The following LIPI variants were observed in gnomAD, a reference collection of about 807,000 sequenced individuals.
LIPI encodes the protein lipase I.
A neutral mutation model predicts 50.6 loss-of-function variants in LIPI; 59 were observed. That is an observed-to-expected ratio of 1.16 (90% CI 0.94 to 1.45). The LOEUF is 1.45. Among genes scored for constraint, LIPI ranks in the 40% most tolerant of loss-of-function variants. The pLI is 0.00. For synonymous variants in LIPI, 203 were observed against 178.2 expected (o/e 1.14, Z -1.11); for missense variants, 586 against 536.3 (o/e 1.09, Z -0.92).
At chr21:14,208,096 A>G (rs192258605) in intron 1 of LIPI, among the ~76,000 whole-genome samples, 82 of 152,320 alleles carry the variant, frequency 5.4e-4, no homozygotes, top group South Asian at 2.7e-3. Flanking sequence ...TTAATCGTGG[A>G]TCATATCAGA....
At chr21:14,180,402 T>C (rs772642744) in intron 4 of LIPI, among the ~76,000 whole-genome samples, 38 of 152,202 alleles carry the variant, frequency 2.5e-4, no homozygotes, top group Non-Finnish European at 4.3e-4. Flanking sequence ...GCGGGCATTG[T>C]GGTCCTACTG....
chr21:14,192,572 A>C (rs2019713478), intron 1 of LIPI, among the ~76,000 whole-genome samples: 1 of 152,238 alleles, frequency 6.6e-6, no homozygotes, highest in Non-Finnish European at 1.5e-5. Context: ...AATTGATTCA[A>C]TTCTACTAGA....
chr21:14,142,749 G>A (rs1363456096), intron 9 of LIPI, among the ~76,000 whole-genome samples: 3 of 151,736 alleles, frequency 2.0e-5, no homozygotes, highest in Non-Finnish European at 4.4e-5. Context: ...CTCTGAAAAT[G>A]CTGGGATTAC....
chr21:14,111,017 T>G (rs904035935), intron 9 of LIPI, among the ~76,000 whole-genome samples: 13 of 151,172 alleles, frequency 8.6e-5, no homozygotes, highest in Admixed American at 2.0e-4. Context: ...ATTTTTTATC[T>G]TGGTTATAGT....
intron 9 of LIPI, 53 bp downstream of exon 9, chr21:14,144,570 A>G: frequency 3.0e-6 from 3 of 994,344 alleles, no homozygotes; most frequent in Non-Finnish European, 4.7e-6. Context: ...TAAGAAACCA[A>G]TATTTTCAAG....
chr21:14,128,663 C>G (rs932971978), intron 9 of LIPI, among the ~76,000 whole-genome samples: 1 of 147,520 alleles, frequency 6.8e-6, no homozygotes, highest in Non-Finnish European at 1.5e-5. Context: ...ATCTTAGGTA[C>G]ACGATATATC....
intron 8 of LIPI, among the ~76,000 whole-genome samples, chr21:14,145,565 G>A (rs2017872257): frequency 6.6e-6 from 1 of 151,898 alleles, no homozygotes; most frequent in African/African-American, 2.4e-5. Flanking sequence ...AAAACTGATG[G>A]CAAAGAGGAG....
In LIPI at chr21:14,202,379, A is replaced by G. The variant is rs148842299; in HGVS notation, c.46+8421T>C. Among the ~76,000 whole-genome samples the G allele has an allele frequency of 9.3e-3, 1,423 of 152,324 alleles. 17 individuals are homozygous for G. Among genetic ancestry groups the G allele is most frequent in the African/African-American group, 0.032 (1,319 of 41,558 alleles). ...ATAAAGAGCCCACATTGCCAAGTCAATCCTAAGCCAAAAGAACAAAGCTGG... is the reference window on the plus strand; with the variant it reads ...ATAAAGAGCCCACATTGCCAAGTCAGTCCTAAGCCAAAAGAACAAAGCTGG... On this transcript the variant is annotated intron_variant, in intron 1 of 9. Transcript: ENST00000681601.
rs2016995289 is a variant in LIPI, at chr21:14,124,837, A to G, written c.1296-15757T>C. 2.0e-5 allele frequency among the ~76,000 whole-genome samples: 3 copies of G among 152,164 alleles called. No individual in the cohort carries two copies. In the South Asian group the frequency reaches 6.2e-4, roughly 31 times the overall value. ...GAAACCCCATCTCTGCTAAAAATAC[A>G]AAAATTAGCCAGGCGTGGTGGCACG... On this transcript the variant is annotated intron_variant, in intron 9 of 9. Coordinates refer to ENST00000681601, the MANE Select transcript of LIPI (RefSeq NM_001302998.2).
At chr21:14,143,242 T>A (rs748596087) in intron 9 of LIPI, among the ~76,000 whole-genome samples, 1 of 152,110 alleles carries the variant, frequency 6.6e-6, no homozygotes. Flanking sequence ...GCATGATCCC[T>A]CCCCACTATA....
intron 9 of LIPI, among the ~76,000 whole-genome samples, chr21:14,121,980 G>C (rs550328350): frequency 1.3e-5 from 2 of 152,334 alleles, no homozygotes; most frequent in East Asian, 3.9e-4. Flanking sequence ...GAGGAAGTTG[G>C]TGCTAGATAA....
intron 1 of LIPI, among the ~76,000 whole-genome samples, chr21:14,202,369 T>C (rs1429857710): frequency 2.6e-5 from 4 of 152,052 alleles, no homozygotes; most frequent in African/African-American, 7.2e-5. Flanking sequence ...GAGCCCACAT[T>C]GCCAAGTCAA....
chr21:14,171,448 C>T (rs1427583007), intron 4 of LIPI, among the ~76,000 whole-genome samples: 1 of 151,020 alleles, frequency 6.6e-6, no homozygotes, highest in Non-Finnish European at 1.5e-5. Flanking sequence ...AGGCATCACG[C>T]TACCTGACTT....
In LIPI at chr21:14,158,313, A is replaced by G. The variant is rs543212502; in HGVS notation, c.1006+5106T>C. ...TAACAGACAACAGGAAAATTTCTAA[A>G]CTGTGGAAATTCAACAGCGTGCTTA... On this transcript the variant is annotated intron_variant, in intron 7 of 9. Coordinates refer to ENST00000681601, the MANE Select transcript of LIPI (RefSeq NM_001302998.2). Among the ~76,000 whole-genome samples the G allele has an allele frequency of 3.4e-3, 509 of 151,724 alleles. 3 individuals carry two copies. The highest frequency in any genetic ancestry group is 6.1e-3 in the Non-Finnish European group (414 of 67,742).
chr21:14,166,129 T>C (rs73346040), intron 5 of LIPI, among the ~76,000 whole-genome samples: 9,624 of 152,190 alleles, frequency 0.063, 559 homozygotes, highest in East Asian at 0.22. Flanking sequence ...TGGAATAAAA[T>C]TATTAAAAAT....
At chr21:14,179,188 G>C (rs374022373) in intron 4 of LIPI, among the ~76,000 whole-genome samples, 3 of 151,872 alleles carry the variant, frequency 2.0e-5, no homozygotes, top group East Asian at 3.9e-4. Context: ...AAATTTGAAA[G>C]GCCACATGGC....
At chr21:14,155,337 C>A (rs1355792744) in intron 7 of LIPI, among the ~76,000 whole-genome samples, 1 of 151,796 alleles carries the variant, frequency 6.6e-6, no homozygotes, top group Non-Finnish European at 1.5e-5. Flanking sequence ...CCTCAGGGAT[C>A]TGTGGGACTA....
chr21:14,210,430 A>G (rs1285134494), intron 1 of LIPI, among the ~76,000 whole-genome samples: 2 of 152,150 alleles, frequency 1.3e-5, no homozygotes, highest in Admixed American at 1.3e-4. Context: ...TAGTTAAACA[A>G]ATAAAATTGA....
intron 4 of LIPI, among the ~76,000 whole-genome samples, chr21:14,173,578 C>A (rs150232644): frequency 7.1e-4 from 108 of 152,256 alleles, no homozygotes; most frequent in African/African-American, 2.5e-3. Context: ...TAATCTGGGG[C>A]ACAAAAGATT....
Sources: gnomAD v4.1 joint callset for allele counts (sites outside exome capture counted in the v4.1 genomes callset) on GRCh38, gnomAD v4.1.1 for gene constraint, MANE v1.5 for transcripts, NCBI Gene and HGNC (gene_info 2026-07-23, HGNC 2026-07-21) for gene names.